Variants in CYLC2 observed in about 807,000 individuals in gnomAD.
CYLC2 encodes the protein cylicin-2.
CYLC2 carries 30 observed loss-of-function variants against 26.1 expected under a neutral mutation model. The observed-to-expected ratio is 1.15, with a 90% confidence interval of 0.86 to 1.56. The LOEUF is 1.56. CYLC2 is among the 40% of genes most tolerant of loss of function. The probability of loss-of-function intolerance (pLI) is 0.00; values close to 1 mark genes in which losing one functional copy is unlikely to be tolerated. For missense variants in CYLC2, 498 were observed against 394.4 expected, an observed-to-expected ratio of 1.26 and a Z score of -2.23; for synonymous variants, 158 against 132.8, an observed-to-expected ratio of 1.19 and a Z score of -1.31.
chr9:103,003,188 G>T lies in CYLC2; in HGVS notation c.105G>T (p.Leu35=). The change falls in exon 3 of 8, where the codon CTG becomes CTT. Residue 35 remains leucine, a synonymous_variant. Transcript: ENST00000374798. ...CATGGAATCAGCAACACTTTGCCCT[G>T]TTATTTCCCAAACCACAACGGCCAG... is the stretch of plus-strand genomic sequence containing the variant. ...KKSWNQQHFA[L]LFPKPQRPGT... 6.2e-7 allele frequency: 1 copy of T among 1,613,730 alleles called. No individual in the cohort carries two copies. The highest frequency in any genetic ancestry group is 8.5e-7 in the Non-Finnish European group (1 of 1,179,796).
At chr9:102,995,846 A>C (rs2118216077) in intron 1 of CYLC2, among the ~76,000 whole-genome samples, 1 of 152,006 alleles carries the variant, frequency 6.6e-6, no homozygotes. Flanking sequence ...GGGCAGCTCT[A>C]TCCAAATGTG....
In CYLC2 at chr9:103,005,450, TAAG is replaced by T. The variant is rs777465483; in HGVS notation, c.826_828del (p.Lys276del). 28 of 1,613,104 alleles carry T rather than the reference TAAG, an allele frequency of 1.7e-5. No homozygotes were observed. The highest frequency in any genetic ancestry group is 1.3e-4 in the East Asian group (6 of 44,838). ...AGGAGATTAAAAAAGGTAAGAAAGA[TAAG>T]AAGAAGCCCAGTAGTACAGACAGTG... is the stretch of plus-strand genomic sequence containing the variant. On this transcript the variant is annotated inframe_deletion, in exon 5 of 8. Transcript: ENST00000374798.
chr9:103,005,880 G>A lies in CYLC2; in HGVS notation c.*202G>A. 1 of 555,898 alleles carries A rather than the reference G, an allele frequency of 1.8e-6. No homozygotes were observed. 34.4% of individuals were successfully genotyped at this position (555,898 alleles called of 1,614,324 possible). On this transcript the variant is annotated 3_prime_UTR_variant, in exon 5 of 8. Transcript: ENST00000374798. Reference sequence around the variant, plus strand: ...TAAGAAAGATGTTAAGAAAAATTAAGGGGGGATCCATTGAAAGACTTGAAG... The same window carrying A: ...TAAGAAAGATGTTAAGAAAAATTAAAGGGGGATCCATTGAAAGACTTGAAG...
At chr9:103,014,212 CTCATATAT>C (rs1829459611) in intron 6 of CYLC2, among the ~76,000 whole-genome samples, 1 of 115,938 alleles carries the variant, frequency 8.6e-6, no homozygotes, top group African/African-American at 3.6e-5. Flanking sequence ...TATTATATAT[CTCATATAT>C]AATATATAAT....
chr9:102,999,226 A>T (rs1829265283), intron 1 of CYLC2, among the ~76,000 whole-genome samples: 1 of 151,776 alleles, frequency 6.6e-6, no homozygotes, highest in Non-Finnish European at 1.5e-5. Context: ...AGTTTTAATT[A>T]ATTTTCCTAA....
chr9:102,999,110 T>C (rs924695126), intron 1 of CYLC2, among the ~76,000 whole-genome samples: 10 of 151,844 alleles, frequency 6.6e-5, no homozygotes, highest in Non-Finnish European at 1.3e-4. Context: ...ACTTTTGTTT[T>C]CTTCCTTTTC....
At chr9:102,995,454 C>T (rs1829227449) in intron 1 of CYLC2, 57 bp downstream of exon 1, 5 of 1,275,856 alleles carry the variant, frequency 3.9e-6, no homozygotes, top group Non-Finnish European at 5.7e-6. Flanking sequence ...TTACATTTAA[C>T]TTCTTTAGTA....
intron 2 of CYLC2, 99 bp from the exon 3 acceptor site, chr9:103,003,043 G>A: frequency 7.7e-7 from 1 of 1,295,250 alleles, no homozygotes; most frequent in Non-Finnish European, 1.1e-6. Flanking sequence ...TGAATCACTT[G>A]TTTATTCATT....
chr9:103,012,969 T>C (rs1051649960), intron 6 of CYLC2, among the ~76,000 whole-genome samples: 9 of 150,062 alleles, frequency 6.0e-5, no homozygotes, highest in South Asian at 2.1e-4. Context: ...ATCCATAAAC[T>C]TTGAAAGTGC....
chr9:103,005,849 A>T lies in CYLC2; in HGVS notation c.*171A>T. On this transcript the variant is annotated 3_prime_UTR_variant, in exon 5 of 8. Transcript: ENST00000374798. Reference sequence around the variant, plus strand: ...GGAGAACTCAGCAGAGATTTATAAAAATATATAAGAAAGATGTTAAGAAAA... The same window carrying T: ...GGAGAACTCAGCAGAGATTTATAAATATATATAAGAAAGATGTTAAGAAAA... The T allele has an allele frequency of 1.5e-6, 1 of 687,942 alleles. No individual in the cohort carries two copies. Among genetic ancestry groups the T allele is most frequent in the Non-Finnish European group, 2.3e-6 (1 of 427,402 alleles). 42.6% of individuals were successfully genotyped at this position (687,942 alleles called of 1,614,324 possible).
chr9:102,999,998 C>A (rs1829272408), intron 1 of CYLC2, among the ~76,000 whole-genome samples: 3 of 151,812 alleles, frequency 2.0e-5, no homozygotes, highest in South Asian at 2.1e-4. Flanking sequence ...CTTACTCCTC[C>A]TCTACTTCTT....
At position 103,005,465 on chromosome 9, in the gene CYLC2, T is replaced by G. The variant is rs752293876; in HGVS notation, c.834T>G (p.Ser278Arg). ...KKGKKDKKKP[S>R]STDSDSKDDV... Reference sequence around the variant, plus strand: ...GTAAGAAAGATAAGAAGAAGCCCAGTAGTACAGACAGTGACTCAAAGGATG... The same window carrying G: ...GTAAGAAAGATAAGAAGAAGCCCAGGAGTACAGACAGTGACTCAAAGGATG... The change falls in exon 5 of 8, where the codon AGT (serine) becomes AGG (arginine). Residue 278 changes from serine to arginine, a missense_variant. Transcript: ENST00000374798. The G allele has an allele frequency of 1.2e-6, 2 of 1,613,528 alleles. No individual in the cohort carries two copies. Among genetic ancestry groups the G allele is most frequent in the Non-Finnish European group, 1.7e-6 (2 of 1,179,864 alleles).
At chr9:102,995,511 G>C in intron 1 of CYLC2, 114 bp downstream of exon 1, 1 of 819,780 alleles carries the variant, frequency 1.2e-6, no homozygotes, top group Non-Finnish European at 2.1e-6. Flanking sequence ...ATAAGCAAAA[G>C]ATAATGTGTT....
intron 7 of CYLC2, among the ~76,000 whole-genome samples, chr9:103,017,297 A>G (rs1035766142): frequency 6.6e-6 from 1 of 152,018 alleles, no homozygotes; most frequent in African/African-American, 2.4e-5. Flanking sequence ...AAATATTACA[A>G]AGTTGGAAAA....
At position 103,004,799 on chromosome 9, in the gene CYLC2, G is replaced by C. The variant is rs761134343; in HGVS notation, c.285G>C (p.Arg95Ser). 3 of 1,612,606 alleles carry C rather than the reference G, an allele frequency of 1.9e-6. No individual in the cohort carries two copies. Among genetic ancestry groups the C allele is most frequent in the Non-Finnish European group, 1.7e-6 (2 of 1,179,384 alleles). ...SERPSVYLAA[R>S]RQPLKPTRTV... The stretch of plus-strand genomic sequence containing the variant: ...GACCATCTGTTTATTTAGCTGCCAG[G>C]AGGCAGCCTCTCAAACCAACTCGTA... The change falls in exon 4 of 8, where the codon AGG (arginine) becomes AGC (serine). Residue 95 changes from arginine (R) to serine (S), a missense_variant. Coordinates refer to ENST00000374798, the MANE Select transcript of CYLC2 (RefSeq NM_001340.5).
chr9:103,017,576 A>T (rs1016456675), intron 7 of CYLC2, among the ~76,000 whole-genome samples: 1 of 152,040 alleles, frequency 6.6e-6, no homozygotes, highest in African/African-American at 2.4e-5. Context: ...ACAAACCTAC[A>T]TGTTAACATA....
At chr9:103,012,723 G>C (rs1477245047) in intron 6 of CYLC2, among the ~76,000 whole-genome samples, 1 of 151,738 alleles carries the variant, frequency 6.6e-6, no homozygotes, top group African/African-American at 2.4e-5. Flanking sequence ...ACGTACTCCA[G>C]GTGTTAAATA....
rs766571689 is a variant in CYLC2 at position 103,005,237 on chromosome 9, G to A, written c.606G>A (p.Ser202=). The part of the protein sequence containing the change: ...DKKDSNKGKD[S]ATESEGEKGG... ...AGGATTCAAACAAAGGCAAAGACTC[G>A]GCAACAGAATCTGAAGGTGAAAAAG... The change falls in exon 5 of 8, where the codon TCG becomes TCA. Residue 202 remains serine, a synonymous_variant. Coordinates refer to ENST00000374798, the MANE Select transcript of CYLC2 (RefSeq NM_001340.5). The A allele has an allele frequency of 4.2e-5, 68 of 1,612,006 alleles. No individual in the cohort carries two copies. Among genetic ancestry groups the A allele is most frequent in the Non-Finnish European group, 5.5e-5 (65 of 1,179,524 alleles).
intron 6 of CYLC2, among the ~76,000 whole-genome samples, chr9:103,014,553 G>A (rs138765064): frequency 0.46 from 33,258 of 72,758 alleles, 7,200 homozygotes; most frequent in South Asian, 0.67. Flanking sequence ...ATATTATGCA[G>A]TATACATCAT....
Sources: allele counts gnomAD v4.1 joint callset (sites outside exome capture counted in the v4.1 genomes callset), GRCh38; gene constraint gnomAD v4.1.1; transcripts MANE v1.5; gene names NCBI Gene and HGNC (gene_info 2026-07-23, HGNC 2026-07-21).